The following SLCO3A1 variants were observed in gnomAD, a reference collection of about 807,000 sequenced individuals.
The protein encoded by SLCO3A1 is PGE1 transporter.
In SLCO3A1, 27 loss-of-function variants were observed where a neutral mutation model predicts 63.1. The ratio of observed to expected loss-of-function variants is 0.43; its 90% CI spans 0.32 to 0.59. The LOEUF is 0.59. Among genes scored for constraint, SLCO3A1 ranks in the 20% least tolerant of loss-of-function variants. The pLI is 0.09. For synonymous variants in SLCO3A1, 473 were observed against 409.9 expected, an observed-to-expected ratio of 1.15 and a Z score of -1.86; for missense variants, 773 against 945.8, an observed-to-expected ratio of 0.82 and a Z score of 2.40.
At chr15:91,939,482 A>C (rs1419832723) in intron 2 of SLCO3A1, among the ~76,000 whole-genome samples, 1 of 152,138 alleles carries the variant, frequency 6.6e-6, no homozygotes, top group Admixed American at 6.5e-5. Context: ...TCCACCTCCC[A>C]GCTTTGCAGG....
intron 1 of SLCO3A1, among the ~76,000 whole-genome samples, chr15:91,913,134 C>CA (rs538701470): frequency 8.5e-4 from 130 of 152,254 alleles, no homozygotes; most frequent in Non-Finnish European, 1.0e-3. Flanking sequence ...TGAACAGCGG[C>CA]AAACACCTGG....
At chr15:92,139,854 G>C (rs902001294) in intron 7 of SLCO3A1, among the ~76,000 whole-genome samples, 1 of 149,022 alleles carries the variant, frequency 6.7e-6, no homozygotes, top group African/African-American at 2.5e-5. Flanking sequence ...GTGTCTATTT[G>C]ATTCTTCTCT....
chr15:92,070,690 C>T (rs762241598), intron 2 of SLCO3A1, among the ~76,000 whole-genome samples: 2 of 148,380 alleles, frequency 1.3e-5, no homozygotes, highest in Non-Finnish European at 3.0e-5. Flanking sequence ...AAATGATATT[C>T]GGGATTTGCT....
At chr15:91,987,866 A>G (rs1353708277) in intron 2 of SLCO3A1, among the ~76,000 whole-genome samples, 1 of 152,184 alleles carries the variant, frequency 6.6e-6, no homozygotes, top group East Asian at 1.9e-4. Flanking sequence ...TAAAAGATAT[A>G]ATCAGTCAGC....
chr15:92,016,266 A>ATAGAGATAGATAGAT (rs2046434694), intron 2 of SLCO3A1, among the ~76,000 whole-genome samples: 8 of 134,912 alleles, frequency 5.9e-5, no homozygotes, highest in Non-Finnish European at 1.6e-5. Context: ...AGATAGATAG[A>ATAGAGATAGATAGAT]TAGATAGATA....
At chr15:92,055,625 ACT>A (rs2047012301) in intron 2 of SLCO3A1, among the ~76,000 whole-genome samples, 1 of 151,876 alleles carries the variant, frequency 6.6e-6, no homozygotes, top group South Asian at 2.1e-4. Flanking sequence ...CACCTCATAC[ACT>A]CTCTGCATTT....
chr15:91,978,411 G>A (rs1424530901), intron 2 of SLCO3A1, among the ~76,000 whole-genome samples: 1 of 152,142 alleles, frequency 6.6e-6, no homozygotes, highest in African/African-American at 2.4e-5. Flanking sequence ...GTGAACATGT[G>A]GCCTTTTAGA....
chr15:92,170,637 C>G (rs1340228353), downstream of SLCO3A1, among the ~76,000 whole-genome samples: 1 of 152,218 alleles, frequency 6.6e-6, no homozygotes, highest in Non-Finnish European at 1.5e-5. Flanking sequence ...GAGCGTCTAC[C>G]TGTGGGAAAC....
intron 7 of SLCO3A1, among the ~76,000 whole-genome samples, chr15:92,137,682 G>A (rs2048076581): frequency 9.3e-6 from 1 of 107,668 alleles, no homozygotes; most frequent in Non-Finnish European, 1.8e-5. Context: ...GGTGTGAGAT[G>A]GTATCTCATT....
chr15:92,114,043 G>A (rs1310386620), intron 4 of SLCO3A1, among the ~76,000 whole-genome samples: 1 of 152,198 alleles, frequency 6.6e-6, no homozygotes, highest in African/African-American at 2.4e-5. Flanking sequence ...AATGCCAGAA[G>A]CAATGGGGGC....
intron 2 of SLCO3A1, among the ~76,000 whole-genome samples, chr15:91,931,198 C>T (rs1042766765): frequency 6.6e-6 from 1 of 152,182 alleles, no homozygotes; most frequent in African/African-American, 2.4e-5. Flanking sequence ...CAAGAGCTCA[C>T]GTAAACTCGG....
intron 3 of SLCO3A1, 68 bp downstream of exon 3, chr15:92,095,047 G>C: frequency 1.8e-6 from 2 of 1,104,780 alleles, no homozygotes; most frequent in Non-Finnish European, 2.8e-6. Flanking sequence ...TGCGGCTTCA[G>C]CCTGTGGGTT....
intron 2 of SLCO3A1, among the ~76,000 whole-genome samples, chr15:92,092,464 G>A (rs745364114): frequency 1.9e-4 from 29 of 151,990 alleles, no homozygotes; most frequent in Non-Finnish European, 2.6e-4. Context: ...TCTGTGTCCC[G>A]TTCTTTTGGG....
intron 7 of SLCO3A1, among the ~76,000 whole-genome samples, chr15:92,131,558 G>A (rs1435969805): frequency 3.5e-5 from 5 of 144,526 alleles, no homozygotes; most frequent in Admixed American, 6.9e-5. Context: ...TAGAGACGGG[G>A]TTTTTCACCG....
intron 2 of SLCO3A1, among the ~76,000 whole-genome samples, chr15:91,930,394 G>A (rs923145297): frequency 6.6e-6 from 1 of 152,134 alleles, no homozygotes; most frequent in Non-Finnish European, 1.5e-5. Flanking sequence ...AGAGATGTGC[G>A]TTGTTCTGGA....
At chr15:92,155,851 T>C (rs921545527) in intron 9 of SLCO3A1, among the ~76,000 whole-genome samples, 1 of 152,076 alleles carries the variant, frequency 6.6e-6, no homozygotes, top group African/African-American at 2.4e-5. Flanking sequence ...TAAGAAACAA[T>C]AGATCAAGTG....
chr15:92,012,994 C>T (rs554828249), intron 2 of SLCO3A1, among the ~76,000 whole-genome samples: 34 of 152,292 alleles, frequency 2.2e-4, no homozygotes, highest in Non-Finnish European at 3.7e-4. Flanking sequence ...AAAGACCCTG[C>T]GTCACACGGT....
intron 1 of SLCO3A1, among the ~76,000 whole-genome samples, chr15:91,858,108 G>T (rs936229720): frequency 6.6e-6 from 1 of 151,878 alleles, no homozygotes; most frequent in Non-Finnish European, 1.5e-5. Context: ...TGCTAGGTTT[G>T]TTACTCCTTT....
At chr15:92,018,752 G>A (rs1036185243) in intron 2 of SLCO3A1, among the ~76,000 whole-genome samples, 4 of 152,274 alleles carry the variant, frequency 2.6e-5, no homozygotes, top group South Asian at 2.1e-4. Flanking sequence ...AGGGGATCAC[G>A]GGGTGGGTTG....
Sources: allele counts gnomAD v4.1 joint callset (sites outside exome capture counted in the v4.1 genomes callset), GRCh38; gene constraint gnomAD v4.1.1; transcripts MANE v1.5; gene names NCBI Gene and HGNC (gene_info 2026-07-23, HGNC 2026-07-21).